The following PRAMEF4 variants were observed in gnomAD, a reference collection of about 807,000 sequenced individuals.
The protein encoded by PRAMEF4 is PRAME family member 4.
A neutral mutation model predicts 34.4 loss-of-function variants in PRAMEF4; 18 were observed. The ratio of observed to expected loss-of-function variants is 0.52; its 90% CI spans 0.36 to 0.78. PRAMEF4 has a LOEUF of 0.78. Ranked by LOEUF, PRAMEF4 falls within the 30% of genes least tolerant of loss-of-function variation. The probability of loss-of-function intolerance (pLI) is 0.00; values close to 1 mark genes in which losing one functional copy is unlikely to be tolerated. For missense variants in PRAMEF4, 482 were observed against 569.1 expected (o/e 0.85, Z 1.56); for synonymous variants, 156 against 219.3 (o/e 0.71, Z 2.55).
intron 3 of PRAMEF4, among the ~76,000 whole-genome samples, chr1:12,881,520 C>T (rs1220212397): frequency 5.4e-5 from 8 of 148,316 alleles, no homozygotes; most frequent in South Asian, 2.1e-4. Context: ...CATGAGCCAC[C>T]GCCCCTGGCG....
chr1:12,885,291 C>G (rs1354196457), intron 1 of PRAMEF4, among the ~76,000 whole-genome samples: 1 of 149,752 alleles, frequency 6.7e-6, no homozygotes, highest in African/African-American at 2.5e-5. Context: ...CCCCCACAGC[C>G]ATGCCTCCAT....
intron 1 of PRAMEF4, 115 bp downstream of exon 1, chr1:12,886,032 A>AAAG (rs1640996619): frequency 7.6e-6 from 1 of 130,888 alleles, no homozygotes; most frequent in Admixed American, 8.1e-5. Context: ...TCATATAAAA[A>AAAG]AAAAAAAAAA....
In PRAMEF4 at chr1:12,885,455, G is replaced by A. The variant is rs7541068; in HGVS notation, c.-17+692C>T. The stretch of plus-strand genomic sequence containing the variant: ...GCTCACTGCAGCCTCAATCTTCTGG[G>A]CTCAAGTGATTCTCCCACACCAGCC... On this transcript the variant is annotated intron_variant, in intron 1 of 3. Coordinates refer to ENST00000235349, the MANE Select transcript of PRAMEF4 (RefSeq NM_001009611.4). Among the ~76,000 whole-genome samples, 274 of 142,310 alleles carry A rather than the reference G, an allele frequency of 1.9e-3. 10 individuals are homozygous for A. The highest frequency in any genetic ancestry group is 3.6e-3 in the Middle Eastern group (1 of 274). 93.4% of individuals were successfully genotyped at this position (142,310 alleles called of 152,430 possible). A position where few individuals can be genotyped will look rare whatever the true frequency, so the allele number is the denominator to read the frequency against.
At position 12,882,435 on chromosome 1, in the gene PRAMEF4, C is replaced by A; in HGVS notation, c.294G>T (p.Arg98Ser). 2 of 1,586,538 alleles carry A rather than the reference C, an allele frequency of 1.3e-6. No homozygotes were observed. The highest frequency in any genetic ancestry group is 1.4e-5 in the African/African-American group (1 of 72,446). ...AATCCAGCACTTGAAGTTTCCACCT[C>A]CTGTGGGAAAATAGAGGTGAGACTG... is the stretch of plus-strand genomic sequence containing the variant. The part of the protein sequence containing the change: ...DALLNLGVRP[R>S]RWKLQVLDLQ... Residue 98 changes from arginine to serine, a missense_variant and splice_region_variant, in exon 3 of 4, where the codon AGG becomes AGT. Physicochemically the swap from Arg to Ser is moderately radical, Grantham distance 110. This residue lies in a region of PRAMEF4 where 172 missense variants were observed against 130.2 expected (regional missense o/e 1.32). Transcript: ENST00000235349.
At chr1:12,884,076 T>C (rs2743630) in intron 1 of PRAMEF4, among the ~76,000 whole-genome samples, 70,040 of 144,060 alleles carry the variant, frequency 0.49, 18,622 homozygotes, top group East Asian at 0.58. Flanking sequence ...TGGTGGGATC[T>C]CAGCTCAGTG....
intron 3 of PRAMEF4, among the ~76,000 whole-genome samples, chr1:12,881,281 G>T (rs193035647): frequency 6.7e-6 from 1 of 148,508 alleles, no homozygotes; most frequent in South Asian, 2.1e-4. Context: ...CAGGAGAATC[G>T]CATGAACCTG....
intron 3 of PRAMEF4, among the ~76,000 whole-genome samples, chr1:12,881,539 A>G (rs1192638329): frequency 2.0e-5 from 3 of 147,186 alleles, no homozygotes; most frequent in Admixed American, 7.0e-5. Context: ...CGTATTTTTC[A>G]TCATCTTAAC....
rs1640936635 is a variant in PRAMEF4 at position 12,883,529 on chromosome 1, C to G, written c.-16-119G>C. ...ATGGTGAAAGAGTCCTCAGTTTACT[C>G]CAATTCTACTCTGTACTCAGTGGCC... is the stretch of plus-strand genomic sequence containing the variant. On this transcript the variant is annotated intron_variant, in intron 1 of 3. Transcript: ENST00000235349. 4 of 1,333,834 alleles carry G rather than the reference C, an allele frequency of 3.0e-6. 1 individual carries two copies. Among genetic ancestry groups the G allele is most frequent in the Non-Finnish European group, 3.1e-6 (3 of 966,442 alleles). 82.6% of individuals were successfully genotyped at this position (1,333,834 alleles called of 1,614,324 possible). A position where few individuals can be genotyped will look rare whatever the true frequency, so the allele number is the denominator to read the frequency against.
chr1:12,884,577 C>T (rs1368683697), intron 1 of PRAMEF4, among the ~76,000 whole-genome samples: 1 of 147,022 alleles, frequency 6.8e-6, no homozygotes, highest in Non-Finnish European at 1.5e-5. Context: ...TAGCCAGGTG[C>T]AGTGGTCTGC....
chr1:12,884,565 A>T (rs571730377), intron 1 of PRAMEF4, among the ~76,000 whole-genome samples: 2 of 146,946 alleles, frequency 1.4e-5, no homozygotes, highest in Admixed American at 1.4e-4. Context: ...GACAGCAAAA[A>T]TTAGCCAGGT....
At chr1:12,885,502 GATGC>G (rs1419194233) in intron 1 of PRAMEF4, among the ~76,000 whole-genome samples, 6 of 149,192 alleles carry the variant, frequency 4.0e-5, no homozygotes, top group Non-Finnish European at 7.4e-5. Context: ...TGGGACTACA[GATGC>G]ATGGTGACTC....
At chr1:12,881,313 C>T (rs1195747976) in intron 3 of PRAMEF4, among the ~76,000 whole-genome samples, 1 of 148,642 alleles carries the variant, frequency 6.7e-6, no homozygotes, top group Non-Finnish European at 1.5e-5. Flanking sequence ...TTGCTGCGAG[C>T]TGAGATGTCA....
chr1:12,884,244 T>C (rs1268681854), intron 1 of PRAMEF4, among the ~76,000 whole-genome samples: 2,036 of 141,100 alleles, frequency 0.014, 3 homozygotes, highest in East Asian at 0.081. Flanking sequence ...CTTGAACTCC[T>C]AGTCTCAAGC....
chr1:12,879,596 T>C lies in PRAMEF4; in HGVS notation c.1385A>G (p.Asp462Gly). Residue 462 changes from aspartate (D) to glycine (G), a missense_variant, in exon 4 of 4, where the codon GAC becomes GGC. This residue lies in a region of PRAMEF4 where 6 missense variants were observed against 22.6 expected (regional missense o/e 0.27). Coordinates refer to ENST00000235349, the MANE Select transcript of PRAMEF4 (RefSeq NM_001009611.4). ...GTCATAAAATGACCTGTTGCCACAG[T>C]CAGGGCAGTAGTCAGTACAGAACAA... is the stretch of plus-strand genomic sequence containing the variant. ...RILFCTDYCP[D>G]CGNRSFYDLE... The C allele has an allele frequency of 6.3e-7, 1 of 1,587,812 alleles. No homozygotes were observed. Among genetic ancestry groups the C allele is most frequent in the African/African-American group, 1.4e-5 (1 of 71,340 alleles).
Position 12,883,399 on chromosome 1 carries a change from C to A in PRAMEF4, c.-5G>T. On this transcript the variant is annotated 5_prime_UTR_variant, in exon 2 of 4. Coordinates refer to ENST00000235349, the MANE Select transcript of PRAMEF4 (RefSeq NM_001009611.4). ...AGTCCAGATGCTCATCTTCATGAAT[C>A]TGCAGGGAAAACTTCCAGAGGACAA... The A allele has an allele frequency of 6.2e-7, 1 of 1,601,666 alleles. No individual in the cohort carries two copies. The highest frequency in any genetic ancestry group is 8.5e-7 in the Non-Finnish European group (1 of 1,174,414).
intron 2 of PRAMEF4, among the ~76,000 whole-genome samples, chr1:12,882,736 G>C (rs374367640): frequency 1.4e-5 from 2 of 145,924 alleles, no homozygotes; most frequent in Admixed American, 1.4e-4. Context: ...GATTACAGGA[G>C]CCCACCACCA....
At chr1:12,884,155 G>A (rs1640949751) in intron 1 of PRAMEF4, among the ~76,000 whole-genome samples, 1 of 145,618 alleles carries the variant, frequency 6.9e-6, no homozygotes, top group Middle Eastern at 3.5e-3. Context: ...CCACAGTTAT[G>A]CATCACCACA....
At position 12,879,922 on chromosome 1, in the gene PRAMEF4, G is replaced by C. The variant is rs1308791816; in HGVS notation, c.1059C>G (p.Thr353=). The C allele has an allele frequency of 2.5e-6, 4 of 1,605,114 alleles. No homozygotes were observed. Among genetic ancestry groups the C allele is most frequent in the African/African-American group, 2.7e-5 (2 of 73,288 alleles). ...AGTCATCTAAATCCAGGTACTCAAG[G>C]GTGGCTGCAACTTTTTCTAGGAGAA... ...LQILLEKVAA[T]LEYLDLDDCG... The change falls in exon 4 of 4, where the codon ACC becomes ACG. Residue 353 remains threonine, a synonymous_variant. Transcript: ENST00000235349.
chr1:12,885,318 GTGAT>G (rs1419892268), intron 1 of PRAMEF4, among the ~76,000 whole-genome samples: 1 of 149,900 alleles, frequency 6.7e-6, no homozygotes, highest in Non-Finnish European at 1.5e-5. Flanking sequence ...GGAAGAGGAT[GTGAT>G]TGGTTTAAAA....
Sources: allele counts gnomAD v4.1 joint callset (sites outside exome capture counted in the v4.1 genomes callset), GRCh38; gene constraint gnomAD v4.1.1; regional missense constraint gnomAD v4.1.1; transcripts MANE v1.5; gene names NCBI Gene and HGNC (gene_info 2026-07-23, HGNC 2026-07-21).